Variants in ENTPD6 observed in about 807,000 individuals in gnomAD.
ENTPD6 encodes CD39 antigen-like 2.
In ENTPD6, 46 loss-of-function variants were observed where a neutral mutation model predicts 61.5. The ratio of observed to expected loss-of-function variants is 0.75; its 90% CI spans 0.59 to 0.96. ENTPD6 has a LOEUF of 0.96. Among genes scored for constraint, ENTPD6 ranks in the 40% least tolerant of loss-of-function variants. The pLI, the probability that ENTPD6 is intolerant of heterozygous loss-of-function variation, is 0.00. For synonymous variants in ENTPD6, 252 were observed against 255.5 expected, an observed-to-expected ratio of 0.99 and a Z score of 0.13; for missense variants, 612 against 629.0, an observed-to-expected ratio of 0.97 and a Z score of 0.29.
chr20:25,199,420 C>CT (rs1249979672), intron 1 of ENTPD6, among the ~76,000 whole-genome samples: 1 of 152,202 alleles, frequency 6.6e-6, no homozygotes, highest in African/African-American at 2.4e-5. Context: ...CACAGAGTGC[C>CT]TTAAGTCCGA....
chr20:25,207,211 C>A lies in ENTPD6; in HGVS notation c.190C>A (p.Arg64=), dbSNP rs551145330. 6.2e-7 allele frequency: 1 copy of A among 1,614,096 alleles called. No homozygotes were observed. The highest frequency in any genetic ancestry group is 1.1e-5 in the South Asian group (1 of 91,082). ...CTATGTTGCCTACATCAAGTGGCAC[C>A]GGGCCACCGCCACCCAGGCCTTCTT... The part of the protein sequence containing the change: ...FIYVAYIKWH[R]ATATQAFFSI... Residue 64 remains arginine (R), a synonymous_variant, in exon 3 of 15, where the codon CGG becomes AGG. Coordinates refer to ENST00000376652, the MANE Select transcript of ENTPD6 (RefSeq NM_001247.5).
At chr20:25,217,715 T>TCTC (rs1156836609) in intron 9 of ENTPD6, 134 bp downstream of exon 9, 3 of 740,010 alleles carry the variant, frequency 4.1e-6, no homozygotes, top group Non-Finnish European at 4.7e-6. Flanking sequence ...CAGACCTCTC[T>TCTC]CTCCTCCTCC....
chr20:25,217,659 A>G (rs896612005), intron 9 of ENTPD6, 78 bp downstream of exon 9: 2 of 1,250,924 alleles, frequency 1.6e-6, no homozygotes, highest in African/African-American at 1.5e-5. Flanking sequence ...GGCCCTCTTG[A>G]GGTCATGGAT....
chr20:25,199,948 A>C (rs2090897423), intron 1 of ENTPD6, among the ~76,000 whole-genome samples: 1 of 152,168 alleles, frequency 6.6e-6, no homozygotes, highest in African/African-American at 2.4e-5. Flanking sequence ...AGTGAATGTG[A>C]GTGTGTAGAT....
Position 25,216,727 on chromosome 20 carries a change from A to C in ENTPD6, c.789A>C (p.Pro263=), listed in dbSNP as rs1415449851. ...GGGSTQIAFL[P]RVEGTLQASP... ...GATCCACTCAGATCGCCTTCCTGCC[A>C]CGCGTGGAGGTAACAAGCCCTGCCG... The change falls in exon 8 of 15, where the codon CCA becomes CCC. Residue 263 remains proline, a synonymous_variant. Transcript: ENST00000376652. 3.8e-6 allele frequency: 6 copies of C among 1,585,656 alleles called. No individual in the cohort carries two copies. The highest frequency in any genetic ancestry group is 4.3e-6 in the Non-Finnish European group (5 of 1,165,316).
intron 12 of ENTPD6, 43 bp downstream of exon 12, chr20:25,223,021 AGGGGGC>A: frequency 2.0e-6 from 1 of 488,140 alleles, no homozygotes; most frequent in Non-Finnish European, 3.4e-6. Context: ...TCGGGGCGGC[AGGGGGC>A]GGGGGTGGAG....
intron 1 of ENTPD6, chr20:25,197,287 A>G (rs2090543308): frequency 1.0e-6 from 1 of 955,232 alleles, no homozygotes; most frequent in South Asian, 4.8e-5. Context: ...TACCACCAAC[A>G]ACACTGCTCT....
intron 2 of ENTPD6, 23 bp downstream of exon 2, chr20:25,206,613 T>A (rs929751110): frequency 2.5e-6 from 4 of 1,569,954 alleles, no homozygotes; most frequent in Admixed American, 1.7e-5. Flanking sequence ...CTCTCAGTAG[T>A]TGCCCAAGGG....
intron 10 of ENTPD6, 111 bp downstream of exon 10, chr20:25,218,725 C>T: frequency 1.6e-5 from 18 of 1,096,758 alleles, no homozygotes; most frequent in Non-Finnish European, 2.3e-5. Flanking sequence ...GGAGAGGTCC[C>T]TCTGCCCCTC....
rs1216244567 is a variant in ENTPD6 at position 25,226,809 on chromosome 20, C to CA, written c.*1215dup. The CA allele has an allele frequency of 1.3e-5, 2 of 152,400 alleles. No homozygotes were observed. Among genetic ancestry groups the CA allele is most frequent in the African/African-American group, 4.8e-5 (2 of 41,584 alleles). The allele number at this position is 152,400 out of a possible 1,614,324, so 9.4% of individuals were successfully genotyped here. A position where few individuals can be genotyped will look rare whatever the true frequency, so the allele number is the denominator to read the frequency against. ...GTTTACTAAACCTTAGAAAAGCTGC[C>CA]AAAGGGGGTGGCGTATTTCCAGTCC... On this transcript the variant is annotated 3_prime_UTR_variant, in exon 15 of 15. Coordinates refer to ENST00000376652, the MANE Select transcript of ENTPD6 (RefSeq NM_001247.5).
intron 8 of ENTPD6, 49 bp downstream of exon 8, chr20:25,216,785 C>T (rs749101064): frequency 1.9e-5 from 28 of 1,436,790 alleles, no homozygotes; most frequent in East Asian, 7.4e-5. Context: ...GAGGCCACAC[C>T]GCCATGGGGG....
chr20:25,197,087 CT>C (rs1482189985), intron 1 of ENTPD6: 2 of 985,282 alleles, frequency 2.0e-6, no homozygotes, highest in East Asian at 2.3e-4. Flanking sequence ...TTCTAATGTG[CT>C]TCATTTTTTG....
At chr20:25,207,497 G>A in intron 3 of ENTPD6, 100 bp downstream of exon 3, 1 of 1,139,928 alleles carries the variant, frequency 8.8e-7, no homozygotes, top group Non-Finnish European at 1.2e-6. Context: ...TTGTCTAAAT[G>A]CAGTTTCCCA....
chr20:25,218,598 C>A lies in ENTPD6; in HGVS notation c.927C>A (p.Gly309=). The A allele has an allele frequency of 6.2e-7, 1 of 1,606,518 alleles. No homozygotes were observed. Reference sequence around the variant, plus strand: ...CGGCACGCCTGGCGATCCTGGGCGGCGTGGAGGGGCAGCCTGGTGAGTGGA... The same window carrying A: ...CGGCACGCCTGGCGATCCTGGGCGGAGTGGAGGGGCAGCCTGGTGAGTGGA... The part of the protein sequence containing the change: ...LMSARLAILG[G]VEGQPAKDGK... The change falls in exon 10 of 15, where the codon GGC becomes GGA. Residue 309 remains glycine (G), a synonymous_variant. Coordinates refer to ENST00000376652, the MANE Select transcript of ENTPD6 (RefSeq NM_001247.5).
intron 11 of ENTPD6, 151 bp from the exon 12 acceptor site, chr20:25,222,687 C>T: frequency 9.8e-7 from 1 of 1,016,392 alleles, no homozygotes. Flanking sequence ...GGGGAGCAGC[C>T]CCAACTTGGG....
chr20:25,196,232 G>A, intron 1 of ENTPD6: 1 of 1,131,218 alleles, frequency 8.8e-7, no homozygotes, highest in Non-Finnish European at 1.1e-6. Context: ...GGGAAGCTTC[G>A]CGTAGCAGTT....
In ENTPD6 at chr20:25,226,576, T is replaced by C. The variant is rs1358817998; in HGVS notation, c.*979T>C. On this transcript the variant is annotated 3_prime_UTR_variant, in exon 15 of 15. Coordinates refer to ENST00000376652, the MANE Select transcript of ENTPD6 (RefSeq NM_001247.5). ...CTGACCCCACCTCCTCCATGGACAG[T>C]GTGAGCCCCGGGCCGTGCATCCTGC... 2 of 152,632 alleles carry C rather than the reference T, an allele frequency of 1.3e-5. No homozygotes were observed. Among genetic ancestry groups the C allele is most frequent in the African/African-American group, 2.4e-5 (1 of 41,452 alleles). 9.5% of individuals were successfully genotyped at this position (152,632 alleles called of 1,614,324 possible).
intron 1 of ENTPD6, among the ~76,000 whole-genome samples, chr20:25,199,207 A>G (rs947975898): frequency 6.6e-6 from 1 of 152,174 alleles, no homozygotes; most frequent in Non-Finnish European, 1.5e-5. Flanking sequence ...AGAACTGCAC[A>G]TGTCATGTGC....
At chr20:25,214,697 A>C in intron 5 of ENTPD6, 170 bp from the exon 6 acceptor site, 1 of 604,400 alleles carries the variant, frequency 1.7e-6, no homozygotes, top group South Asian at 2.0e-5. Context: ...AGGATGAAGA[A>C]AGCCGGTCTG....
Sources: allele counts gnomAD v4.1 joint callset (sites outside exome capture counted in the v4.1 genomes callset), GRCh38; gene constraint gnomAD v4.1.1; transcripts MANE v1.5; gene names NCBI Gene and HGNC (gene_info 2026-07-23, HGNC 2026-07-21).